LRBA: variants seen among roughly 807,000 people sequenced by gnomAD.
LRBA encodes the protein lipopolysaccharide-responsive and beige-like anchor protein.
In LRBA, 176 loss-of-function variants were observed where a neutral mutation model predicts 330.0. The ratio of observed to expected loss-of-function variants is 0.53; its 90% CI spans 0.47 to 0.60. LRBA has a LOEUF of 0.60. Among genes scored for constraint, LRBA ranks in the 20% least tolerant of loss-of-function variants. The pLI is 0.00. For missense variants in LRBA, 3,259 were observed against 3,444.8 expected (o/e 0.95, Z 1.35); for synonymous variants, 1,230 against 1,193.0 (o/e 1.03, Z -0.64).
At chr4:150,288,378 T>C (rs6842890) in intron 53 of LRBA, among the ~76,000 whole-genome samples, 136,258 of 151,988 alleles carry the variant, frequency 0.9, 61,522 homozygotes, top group Middle Eastern at 0.95. Flanking sequence ...GAGGCCAAGG[T>C]GGGCAGATCA....
chr4:150,329,468 G>C (rs1733712796), intron 48 of LRBA, among the ~76,000 whole-genome samples: 1 of 152,102 alleles, frequency 6.6e-6, no homozygotes, highest in African/African-American at 2.4e-5. Context: ...GGCTTCAATG[G>C]CTTAATGCTT....
intron 40 of LRBA, among the ~76,000 whole-genome samples, chr4:150,529,026 C>T (rs1380368310): frequency 6.6e-6 from 1 of 152,080 alleles, no homozygotes; most frequent in East Asian, 1.9e-4. Flanking sequence ...CTATGATAGC[C>T]TAAAACATTT....
intron 36 of LRBA, among the ~76,000 whole-genome samples, chr4:150,726,410 A>G (rs1420764790): frequency 1.3e-5 from 2 of 152,210 alleles, no homozygotes; most frequent in African/African-American, 4.8e-5. Context: ...CGGTCATTAT[A>G]TAGTGATAAA....
At chr4:150,561,543 C>G (rs1476617997) in intron 40 of LRBA, among the ~76,000 whole-genome samples, 1 of 152,040 alleles carries the variant, frequency 6.6e-6, no homozygotes, top group African/African-American at 2.4e-5. Context: ...CAGAGTGATG[C>G]AATATAAGCA....
intron 36 of LRBA, among the ~76,000 whole-genome samples, chr4:150,688,326 CG>C (rs1179229600): frequency 6.6e-6 from 1 of 152,080 alleles, no homozygotes; most frequent in Non-Finnish European, 1.5e-5. Flanking sequence ...AAGATTTAAA[CG>C]TAAGACCTAA....
At chr4:150,960,164 A>C (rs1737987878) in intron 2 of LRBA, among the ~76,000 whole-genome samples, 1 of 149,148 alleles carries the variant, frequency 6.7e-6, no homozygotes. Flanking sequence ...TAATATCATC[A>C]TTATTCAGAC....
chr4:150,531,546 A>G (rs977080535), intron 40 of LRBA, among the ~76,000 whole-genome samples: 2 of 152,206 alleles, frequency 1.3e-5, no homozygotes, highest in African/African-American at 4.8e-5. Context: ...TAAGCTCAAC[A>G]AGAGGAGAAG....
chr4:150,406,011 T>C (rs1226756213), intron 47 of LRBA, among the ~76,000 whole-genome samples: 1 of 152,132 alleles, frequency 6.6e-6, no homozygotes, highest in Non-Finnish European at 1.5e-5. Context: ...GCCGTGATTG[T>C]ACCACTACAC....
intron 44 of LRBA, among the ~76,000 whole-genome samples, chr4:150,463,448 C>T (rs1026499543): frequency 6.6e-6 from 1 of 151,936 alleles, no homozygotes; most frequent in Non-Finnish European, 1.5e-5. Flanking sequence ...CACAAAATTA[C>T]ACAAATGACA....
At chr4:150,690,418 G>A (rs949128176) in intron 36 of LRBA, among the ~76,000 whole-genome samples, 9 of 151,188 alleles carry the variant, frequency 6.0e-5, no homozygotes, top group Non-Finnish European at 1.2e-4. Context: ...CAGGAGAAAC[G>A]TTTGAACCAG....
At chr4:150,371,816 TA>T (rs573012539) in intron 47 of LRBA, among the ~76,000 whole-genome samples, 101 of 152,330 alleles carry the variant, frequency 6.6e-4, no homozygotes, top group Non-Finnish European at 1.4e-3. Context: ...AAATGCTGTC[TA>T]TATTCCTATC....
At chr4:150,938,980 T>C (rs989396505) in intron 2 of LRBA, among the ~76,000 whole-genome samples, 8 of 152,198 alleles carry the variant, frequency 5.3e-5, no homozygotes, top group African/African-American at 1.7e-4. Flanking sequence ...TCCCCATTCT[T>C]ATACCATAGC....
At chr4:150,336,717 C>T (rs941831678) in intron 48 of LRBA, among the ~76,000 whole-genome samples, 6 of 152,190 alleles carry the variant, frequency 3.9e-5, no homozygotes, top group East Asian at 3.9e-4. Context: ...TAACGGAGCC[C>T]GTACTTTTCA....
intron 46 of LRBA, among the ~76,000 whole-genome samples, chr4:150,425,247 G>T (rs2151972190): frequency 6.6e-6 from 1 of 152,300 alleles, no homozygotes; most frequent in Non-Finnish European, 1.5e-5. Flanking sequence ...GAACAGAACA[G>T]TCAGCTCTGG....
intron 47 of LRBA, among the ~76,000 whole-genome samples, chr4:150,411,001 T>A (rs961407052): frequency 6.6e-6 from 1 of 152,160 alleles, no homozygotes; most frequent in Non-Finnish European, 1.5e-5. Flanking sequence ...TATGAAAGCC[T>A]TTTTCTCATT....
chr4:150,503,050 C>T (rs903282410), intron 40 of LRBA, among the ~76,000 whole-genome samples: 2 of 152,196 alleles, frequency 1.3e-5, no homozygotes, highest in Admixed American at 6.5e-5. Flanking sequence ...AACAAAGCAG[C>T]CAGGAAGCTC....
chr4:150,648,569 T>C (rs1302297796), intron 37 of LRBA, among the ~76,000 whole-genome samples: 1 of 149,844 alleles, frequency 6.7e-6, no homozygotes, highest in Non-Finnish European at 1.5e-5. Context: ...ACCCCACATT[T>C]CTAAATTACC....
chr4:150,812,882 A>C (rs1278983636), intron 31 of LRBA, among the ~76,000 whole-genome samples: 4 of 152,208 alleles, frequency 2.6e-5, no homozygotes, highest in Admixed American at 2.6e-4. Context: ...CATATTGGAA[A>C]AAGAATAATG....
intron 13 of LRBA, among the ~76,000 whole-genome samples, chr4:150,901,649 C>T (rs1410886913): frequency 1.3e-5 from 2 of 152,146 alleles, no homozygotes; most frequent in African/African-American, 4.8e-5. Flanking sequence ...TGCAAATAAA[C>T]AATCAAGGCT....
Sources: allele counts gnomAD v4.1 joint callset (sites outside exome capture counted in the v4.1 genomes callset), GRCh38; gene constraint gnomAD v4.1.1; transcripts MANE v1.5; gene names NCBI Gene and HGNC (gene_info 2026-07-23, HGNC 2026-07-21).